Variants in ANKS1B observed in about 807,000 individuals in gnomAD.
The protein encoded by ANKS1B is ankyrin repeat and sterile alpha motif domain-containing protein 1B.
In ANKS1B, 36 loss-of-function variants were observed where a neutral mutation model predicts 148.3. That is an observed-to-expected ratio of 0.24 (90% CI 0.19 to 0.32). ANKS1B has a LOEUF of 0.32. Among genes scored for constraint, ANKS1B ranks in the 10% least tolerant of loss-of-function variants. The pLI, the probability that ANKS1B is intolerant of heterozygous loss-of-function variation, is 1.00. For missense variants in ANKS1B, 1,157 were observed against 1,542.6 expected (o/e 0.75, Z 4.19); for synonymous variants, 542 against 560.8 (o/e 0.97, Z 0.47).
chr12:99,035,092 T>TC (rs566218889), intron 17 of ANKS1B, among the ~76,000 whole-genome samples: 204 of 152,238 alleles, frequency 1.3e-3, no homozygotes, highest in Non-Finnish European at 2.1e-3. Context: ...CAAAAGTTTT[T>TC]CTCTGACCTT....
At chr12:99,214,697 G>A (rs2083886331) in intron 14 of ANKS1B, among the ~76,000 whole-genome samples, 1 of 152,182 alleles carries the variant, frequency 6.6e-6, no homozygotes, top group Non-Finnish European at 1.5e-5. Flanking sequence ...GTAGAGTGGG[G>A]TACTGCTATT....
intron 14 of ANKS1B, among the ~76,000 whole-genome samples, chr12:99,181,797 A>G (rs1038816564): frequency 2.0e-5 from 3 of 152,058 alleles, no homozygotes; most frequent in Non-Finnish European, 4.4e-5. Flanking sequence ...TGTTACAAAC[A>G]GTCCAAGTAC....
At chr12:99,891,380 T>C (rs1299792790) in intron 1 of ANKS1B, among the ~76,000 whole-genome samples, 1 of 152,076 alleles carries the variant, frequency 6.6e-6, no homozygotes, top group Admixed American at 6.6e-5. Context: ...GTTGTTTATA[T>C]CTCATTGTGA....
At chr12:99,833,543 C>T (rs1006305015) in intron 1 of ANKS1B, among the ~76,000 whole-genome samples, 2 of 152,082 alleles carry the variant, frequency 1.3e-5, no homozygotes, top group African/African-American at 2.4e-5. Context: ...CAACCATGAA[C>T]GAAATGCATC....
chr12:99,169,053 T>TAA (rs1189600788), intron 14 of ANKS1B, among the ~76,000 whole-genome samples: 130 of 152,352 alleles, frequency 8.5e-4, no homozygotes, highest in African/African-American at 2.9e-3. Context: ...TTTTTATACT[T>TAA]TATTCATTTC....
rs541733123 is a variant in ANKS1B at position 99,100,614 on chromosome 12, C to G, written c.2527-15591G>C. On this transcript the variant is annotated intron_variant, in intron 15 of 26. Coordinates refer to ENST00000683438, the MANE Select transcript of ANKS1B (RefSeq NM_001352186.2). ...GCATGATCTTGGCTCATTGCAACCT[C>G]CACCCTCCAGGTTCCAGTGATTCTC... Among the ~76,000 whole-genome samples, 28 of 152,342 alleles carry G rather than the reference C, an allele frequency of 1.8e-4. No individual in the cohort carries two copies. In the South Asian group the frequency reaches 5.8e-3, roughly 32 times the overall value.
At chr12:98,788,143 G>A (rs968817747) in intron 22 of ANKS1B, among the ~76,000 whole-genome samples, 1 of 151,760 alleles carries the variant, frequency 6.6e-6, no homozygotes, top group African/African-American at 2.4e-5. Flanking sequence ...GGTGGCTCAC[G>A]CCTGTAATCC....
At chr12:99,102,708 C>T (rs1326785991) in intron 15 of ANKS1B, among the ~76,000 whole-genome samples, 1 of 152,130 alleles carries the variant, frequency 6.6e-6, no homozygotes, top group Non-Finnish European at 1.5e-5. Flanking sequence ...CATACCACTG[C>T]ACTCCAGGTT....
rs2094450252 is a variant in ANKS1B at position 99,403,159 on chromosome 12, T to C, written c.1576-3348A>G. On this transcript the variant is annotated intron_variant, in intron 11 of 26. Coordinates refer to ENST00000683438, the MANE Select transcript of ANKS1B (RefSeq NM_001352186.2). Reference sequence around the variant, plus strand: ...GTCTGTTCACTTTTCTTTCTTTTTTTTTTTTTTTTTTTTTTTTTTGAGACG... The same window carrying C: ...GTCTGTTCACTTTTCTTTCTTTTTTCTTTTTTTTTTTTTTTTTTTGAGACG... Among the ~76,000 whole-genome samples, 5 of 113,922 alleles carry C rather than the reference T, an allele frequency of 4.4e-5. 1 individual carries two copies. Among genetic ancestry groups the C allele is most frequent in the African/African-American group, 1.1e-4 (3 of 26,260 alleles). The allele number at this position is 113,922 out of a possible 152,430, so 74.7% of individuals were successfully genotyped here.
intron 9 of ANKS1B, among the ~76,000 whole-genome samples, chr12:99,578,538 G>GCAC (rs2097540000): frequency 1.3e-5 from 2 of 152,192 alleles, no homozygotes; most frequent in Admixed American, 1.3e-4. Flanking sequence ...AAAATGAATA[G>GCAC]CATTTCTATA....
At chr12:99,712,119 G>C (rs575951362) in intron 8 of ANKS1B, among the ~76,000 whole-genome samples, 1 of 152,124 alleles carries the variant, frequency 6.6e-6, no homozygotes, top group Non-Finnish European at 1.5e-5. Flanking sequence ...TTGCCTGTTC[G>C]CACTTACAAG....
intron 25 of ANKS1B, among the ~76,000 whole-genome samples, chr12:98,754,164 G>C (rs2098171307): frequency 6.6e-6 from 1 of 152,230 alleles, no homozygotes; most frequent in African/African-American, 2.4e-5. Context: ...GCCTGCTGGA[G>C]ATACTGCACC....
At chr12:99,140,148 T>G (rs1049228862) in intron 15 of ANKS1B, among the ~76,000 whole-genome samples, 2 of 152,176 alleles carry the variant, frequency 1.3e-5, no homozygotes, top group African/African-American at 4.8e-5. Flanking sequence ...TGAGCATGTT[T>G]CCTAGGGAAA....
intron 8 of ANKS1B, among the ~76,000 whole-genome samples, chr12:99,670,542 C>T (rs181311324): frequency 6.6e-6 from 1 of 152,100 alleles, no homozygotes; most frequent in African/African-American, 2.4e-5. Context: ...CTACTGTCTA[C>T]AAGGCTGAAC....
At chr12:99,162,227 C>T (rs754805198) in intron 14 of ANKS1B, among the ~76,000 whole-genome samples, 6 of 151,922 alleles carry the variant, frequency 3.9e-5, no homozygotes, top group South Asian at 2.1e-4. Context: ...TTTAGAGTGA[C>T]GAAAATGTTT....
At chr12:99,689,611 G>C (rs949571705) in intron 8 of ANKS1B, among the ~76,000 whole-genome samples, 1 of 152,186 alleles carries the variant, frequency 6.6e-6, no homozygotes, top group Non-Finnish European at 1.5e-5. Flanking sequence ...GGCTGAGCCA[G>C]ACCTGATCAG....
At chr12:99,959,962 C>T (rs1313796988) in intron 1 of ANKS1B, among the ~76,000 whole-genome samples, 2 of 152,068 alleles carry the variant, frequency 1.3e-5, no homozygotes, top group South Asian at 2.1e-4. Flanking sequence ...CTTGGGCAGA[C>T]GGGAGAGACT....
In ANKS1B at chr12:99,338,870, C is replaced by T. The variant is rs529742598; in HGVS notation, c.1756+60761G>A. ...CAGGAGTTAGGCAAACTGCCTAAGA[C>T]CTTATTTGACTGTGGCTGAGCTGTT... is the stretch of plus-strand genomic sequence containing the variant. On this transcript the variant is annotated intron_variant, in intron 12 of 26. Coordinates refer to ENST00000683438, the MANE Select transcript of ANKS1B (RefSeq NM_001352186.2). 3.2e-4 allele frequency among the ~76,000 whole-genome samples: 48 copies of T among 152,198 alleles called. No individual in the cohort carries two copies. In the South Asian group the frequency reaches 8.1e-3, roughly 26 times the overall value.
intron 17 of ANKS1B, among the ~76,000 whole-genome samples, chr12:98,883,731 A>C (rs749166729): frequency 5.9e-5 from 9 of 152,234 alleles, no homozygotes; most frequent in Non-Finnish European, 1.3e-4. Flanking sequence ...AGAGAGATTG[A>C]GTAGTTGGAA....
Sources: allele counts gnomAD v4.1 joint callset (sites outside exome capture counted in the v4.1 genomes callset), GRCh38; gene constraint gnomAD v4.1.1; transcripts MANE v1.5; gene names NCBI Gene and HGNC (gene_info 2026-07-23, HGNC 2026-07-21).